The following ZRANB1 variants were observed in gnomAD, a reference collection of about 807,000 sequenced individuals.
ZRANB1 encodes the protein zinc finger RANBP2-type containing 1.
In ZRANB1, 16 loss-of-function variants were observed where a neutral mutation model predicts 80.5. The ratio of observed to expected loss-of-function variants is 0.20; its 90% confidence interval spans 0.13 to 0.30. The LOEUF is 0.30. Ranked by LOEUF, ZRANB1 falls within the 10% of genes least tolerant of loss-of-function variation. The pLI is 1.00. For synonymous variants in ZRANB1, 291 were observed against 293.1 expected, an observed-to-expected ratio of 0.99 and a Z score of 0.07; for missense variants, 576 against 862.6, an observed-to-expected ratio of 0.67 and a Z score of 4.16.
At position 124,945,409 on chromosome 10, in the gene ZRANB1, A is replaced by ATTTTTTTTTTTTTTTT. The variant is rs57697692; in HGVS notation, c.814+2112_814+2127dup. 9.7e-5 allele frequency: 12 copies of ATTTTTTTTTTTTTTTT among 123,548 alleles called. 1 individual carries two copies. The East Asian group carries it at 1.3e-3, about 13-fold the overall frequency. 7.7% of individuals were successfully genotyped at this position (123,548 alleles called of 1,614,324 possible). A position where few individuals can be genotyped will look rare whatever the true frequency, so the allele number is the denominator to read the frequency against. On this transcript the variant is annotated intron_variant, in intron 1 of 8. Transcript: ENST00000359653. ...ATGCCTTTGGAACAGTCTTAAAATC[A>ATTTTTTTTTTTTTTTT]TTTTTTTTTTTTTTTTTTTTTTTTT...
intron 1 of ZRANB1, among the ~76,000 whole-genome samples, chr10:124,952,591 G>T (rs921866467): frequency 1.3e-5 from 2 of 151,986 alleles, no homozygotes; most frequent in African/African-American, 4.8e-5. Context: ...AATACAAATA[G>T]CTTTTTTAAA....
At position 124,943,023 on chromosome 10, in the gene ZRANB1, C is replaced by T. The variant is rs1951550121; in HGVS notation, c.530C>T (p.Pro177Leu). ...TGTGTTGTTTGTGATCATCCCAGACCTAATAACATTGAAGCAATAGAATTG... is the reference window on the plus strand; with the variant it reads ...TGTGTTGTTTGTGATCATCCCAGACTTAATAACATTGAAGCAATAGAATTG... ...KRCVVCDHPR[P>L]NNIEAIELAE... The change falls in exon 1 of 9, where the codon CCT becomes CTT. Residue 177 changes from proline to leucine, a missense_variant. Around this residue, in one of 3 missense-constraint regions of ZRANB1, gnomAD observed 411 missense variants for 583.1 expected, o/e 0.70. Coordinates refer to ENST00000359653, the MANE Select transcript of ZRANB1 (RefSeq NM_017580.3). The T allele has an allele frequency of 6.2e-7, 1 of 1,614,080 alleles. No homozygotes were observed.
chr10:124,983,563 GATGGCT>G lies in ZRANB1; in HGVS notation c.1789_1794del (p.Tyr597_Gly598del), dbSNP rs866235994. 2 of 1,614,042 alleles carry G rather than the reference GATGGCT, an allele frequency of 1.2e-6. No individual in the cohort carries two copies. Among genetic ancestry groups the G allele is most frequent in the Non-Finnish European group, 1.7e-6 (2 of 1,180,016 alleles). ...CTCTGCTTTGGTTGCCATGGAAAAT[GATGGCT>G]ATGGCAACCGAGGTGCTGGTGCTAA... On this transcript the variant is annotated inframe_deletion, in exon 8 of 9. Transcript: ENST00000359653. The surrounding 1 kb of genome is among the most constrained non-coding windows in gnomAD (Gnocchi z 6.2).
intron 1 of ZRANB1, among the ~76,000 whole-genome samples, chr10:124,960,243 T>A (rs936608589): frequency 6.6e-6 from 1 of 152,168 alleles, no homozygotes; most frequent in African/African-American, 2.4e-5. Flanking sequence ...AGCTTTCTTG[T>A]TTAGTGTTTC....
In ZRANB1 at chr10:124,942,951, G is replaced by C; in HGVS notation, c.458G>C (p.Trp153Ser). Residue 153 changes from tryptophan to serine, a missense_variant, in exon 1 of 9, where the codon TGG becomes TCG. By Grantham distance (177) the Trp-to-Ser change is radical (BLOSUM62 -3). Coordinates refer to ENST00000359653, the MANE Select transcript of ZRANB1 (RefSeq NM_017580.3). Reference protein sequence around the residue: ...RNKLNTRTQHWTCSVCTYENW... With the variant: ...RNKLNTRTQHSTCSVCTYENW... ...AAACTGAACACTAGGACACAGCACT[G>C]GACTTGCTCTGTTTGCACATATGAA... 6.2e-7 allele frequency: 1 copy of C among 1,614,216 alleles called. No homozygotes were observed. The highest frequency in any genetic ancestry group is 8.5e-7 in the Non-Finnish European group (1 of 1,180,042).
In ZRANB1 at chr10:124,942,164, C is replaced by T. The variant is rs1344978055; in HGVS notation, c.-330C>T. The T allele has an allele frequency of 1.4e-5, 15 of 1,086,724 alleles. No homozygotes were observed. In the Admixed American group the frequency reaches 1.4e-4, roughly 10 times the overall value. The allele number at this position is 1,086,724 out of a possible 1,614,324, so 67.3% of individuals were successfully genotyped here. On this transcript the variant is annotated 5_prime_UTR_variant, in exon 1 of 9. Coordinates refer to ENST00000359653, the MANE Select transcript of ZRANB1 (RefSeq NM_017580.3). ...AATTAAACATTTCTATTAGTGGCTTCCCGTTAATCTCATCCTTCTTAGATC... is the reference window on the plus strand; with the variant it reads ...AATTAAACATTTCTATTAGTGGCTTTCCGTTAATCTCATCCTTCTTAGATC...
chr10:124,947,656 A>G (rs1022308524), intron 1 of ZRANB1, among the ~76,000 whole-genome samples: 1 of 152,148 alleles, frequency 6.6e-6, no homozygotes, highest in Non-Finnish European at 1.5e-5. Flanking sequence ...TCTCTCCTTC[A>G]AATCTATTTT....
In ZRANB1 at chr10:124,976,909, C is replaced by G. The variant is rs536247123; in HGVS notation, c.1427+2511C>G. Among the ~76,000 whole-genome samples the G allele has an allele frequency of 1.7e-4, 26 of 151,842 alleles. 1 individual carries two copies. The highest frequency in any genetic ancestry group is 6.3e-4 in the African/African-American group (26 of 41,350). ...GTAATTTCCTGATCTGTTGAAAGGC[C>G]AAAAGTACACTGTGGATTTTAGAAG... On this transcript the variant is annotated intron_variant, in intron 5 of 8. Coordinates refer to ENST00000359653, the MANE Select transcript of ZRANB1 (RefSeq NM_017580.3).
chr10:124,918,276 C>T, the ZRANB1 span, among the ~76,000 whole-genome samples: 1 of 152,172 alleles, frequency 6.6e-6, no homozygotes, highest in South Asian at 2.1e-4. Flanking sequence ...CCGCAACCTC[C>T]GCCTCCCAGG....
chr10:124,978,267 A>G (rs1951897998), intron 5 of ZRANB1, among the ~76,000 whole-genome samples: 1 of 152,228 alleles, frequency 6.6e-6, no homozygotes, highest in Non-Finnish European at 1.5e-5. Context: ...AGGAGGAGCC[A>G]GCATGTAGCT....
At chr10:124,977,958 C>T (rs1260058018) in intron 5 of ZRANB1, among the ~76,000 whole-genome samples, 3 of 152,072 alleles carry the variant, frequency 2.0e-5, no homozygotes, top group Non-Finnish European at 4.4e-5. Flanking sequence ...TTGGCATCAC[C>T]TCCTCCAGTC....
rs1348841236 is a variant in ZRANB1, at chr10:124,986,289, G to GCACACACACACACA, written c.*1298_*1299insACACACACACACAC. 53 of 108,436 alleles carry GCACACACACACACA rather than the reference G, an allele frequency of 4.9e-4. No homozygotes were observed. Among genetic ancestry groups the GCACACACACACACA allele is most frequent in the African/African-American group, 1.9e-3 (52 of 27,624 alleles). The allele number at this position is 108,436 out of a possible 1,614,324, so 6.7% of individuals were successfully genotyped here. On this transcript the variant is annotated 3_prime_UTR_variant, in exon 9 of 9. Transcript: ENST00000359653. Reference sequence around the variant, plus strand: ...AAAGACGACACACGCACGCGCGCGCGCGCACACACACACACACACACACAC... The same window carrying GCACACACACACACA: ...AAAGACGACACACGCACGCGCGCGCGCACACACACACACACGCACACACACACACACACACACAC...
chr10:124,972,301 C>A (rs1309782721), intron 3 of ZRANB1, among the ~76,000 whole-genome samples, 183 bp downstream of exon 3: 1 of 152,172 alleles, frequency 6.6e-6, no homozygotes, highest in African/African-American at 2.4e-5. Flanking sequence ...TTAGGAAATG[C>A]GTCTGCTATC....
intron 1 of ZRANB1, among the ~76,000 whole-genome samples, 200 bp downstream of exon 1, chr10:124,943,507 C>T (rs1015421545): frequency 6.9e-6 from 1 of 145,502 alleles, no homozygotes; most frequent in Admixed American, 7.2e-5. Flanking sequence ...GACTGTGTCT[C>T]CACGCACATG....
At chr10:124,933,766 A>G in the ZRANB1 span, among the ~76,000 whole-genome samples, 5 of 152,362 alleles carry the variant, frequency 3.3e-5, no homozygotes, top group East Asian at 3.9e-4. Flanking sequence ...TAAAGGAACT[A>G]TGCTCTAAGA....
chr10:124,927,389 G>T, the ZRANB1 span, among the ~76,000 whole-genome samples: 2 of 152,210 alleles, frequency 1.3e-5, no homozygotes, highest in Non-Finnish European at 2.9e-5. Flanking sequence ...CAATACACTT[G>T]TGAGTGGAAT....
intron 1 of ZRANB1, chr10:124,945,462 G>A (rs898903413): frequency 9.6e-5 from 13 of 135,680 alleles, no homozygotes; most frequent in African/African-American, 3.3e-4. Flanking sequence ...TGAATACTTG[G>A]ACTACAAGGT....
intron 1 of ZRANB1, among the ~76,000 whole-genome samples, chr10:124,950,816 T>TA (rs919994113): frequency 1.9e-4 from 29 of 152,128 alleles, no homozygotes; most frequent in African/African-American, 5.8e-4. Context: ...CTCGTCTCTA[T>TA]AAAAAATAAA....
chr10:124,966,472 T>C, intron 1 of ZRANB1, 122 bp from the exon 2 acceptor site: 1 of 931,306 alleles, frequency 1.1e-6, no homozygotes, highest in East Asian at 2.5e-5. Flanking sequence ...GACATTTAAA[T>C]GATGCATCAG....
Sources: allele counts gnomAD v4.1 joint callset (sites outside exome capture counted in the v4.1 genomes callset), GRCh38; gene constraint gnomAD v4.1.1; regional missense constraint gnomAD v4.1.1; non-coding constraint Gnocchi (gnomAD v3.1); transcripts MANE v1.5; gene names NCBI Gene and HGNC (gene_info 2026-07-23, HGNC 2026-07-21).